Variants in LAMA5 observed in about 807,000 individuals in gnomAD.
LAMA5 encodes the protein laminin subunit alpha-5.
In LAMA5, 260 loss-of-function variants were observed where a neutral mutation model predicts 433.4. That is an observed-to-expected ratio of 0.60 (90% CI 0.54 to 0.66). LAMA5 has a LOEUF of 0.66. Among genes scored for constraint, LAMA5 ranks in the 30% least tolerant of loss-of-function variants. LAMA5 has a pLI of 0.00. For missense variants in LAMA5, 5,378 were observed against 5,258.5 expected, an observed-to-expected ratio of 1.02 and a Z score of -0.70; for synonymous variants, 2,620 against 2,226.6, an observed-to-expected ratio of 1.18 and a Z score of -4.97.
chr20:62,313,777 C>T lies in LAMA5; in HGVS notation c.8530G>A (p.Val2844Ile), dbSNP rs760179827. Reference protein sequence around the residue: ...DRTLQFGHMSVTVERQMIQET... With the variant: ...DRTLQFGHMSITVERQMIQET... The stretch of plus-strand genomic sequence containing the variant: ...TGGATCATCTGTCTCTCCACTGTGA[C>T]GGACATGTGGCCAAACTGGAGAGTC... The change falls in exon 63 of 80, where the codon GTC becomes ATC. Residue 2844 changes from valine to isoleucine, a missense_variant. By Grantham distance (29) the Val-to-Ile change is conservative (BLOSUM62 3). Coordinates refer to ENST00000252999, the MANE Select transcript of LAMA5 (RefSeq NM_005560.6). 5.6e-6 allele frequency: 9 copies of T among 1,612,678 alleles called. No homozygotes were observed. Among genetic ancestry groups the T allele is most frequent in the Admixed American group, 1.7e-5 (1 of 59,984 alleles).
rs780651999 is a variant in LAMA5 at position 62,323,905 on chromosome 20, C to A, written c.5769-49G>T. The stretch of plus-strand genomic sequence containing the variant: ...CACTAGGCCCCTGGCAGTGCCCGGG[C>A]CCGGGCGAGCACACTGTGCTCCGGC... On this transcript the variant is annotated intron_variant, in intron 43 of 79. Coordinates refer to ENST00000252999, the MANE Select transcript of LAMA5 (RefSeq NM_005560.6). The A allele has an allele frequency of 3.9e-6, 6 of 1,533,850 alleles. No homozygotes were observed. In the African/African-American group the frequency reaches 8.2e-5, roughly 21 times the overall value.
At chr20:62,322,534 C>T in intron 46 of LAMA5, 85 bp from the exon 47 acceptor site, 1 of 1,462,192 alleles carries the variant, frequency 6.8e-7, no homozygotes, top group South Asian at 1.2e-5. Flanking sequence ...GCCCATCTGG[C>T]CCCACCCCCT....
intron 1 of LAMA5, among the ~76,000 whole-genome samples, chr20:62,366,041 T>G (rs1012169441): frequency 3.3e-5 from 5 of 152,174 alleles, no homozygotes; most frequent in African/African-American, 1.2e-4. Flanking sequence ...AAGGCAGAGG[T>G]ACCAGGGAGG....
Position 62,316,059 on chromosome 20 carries a change from C to T in LAMA5, c.7757-1G>A, listed in dbSNP as rs1223607371. ...CTGGCACCCTGGAGGGCAGCCCACA[C>T]TGCGGGGGAGGCAGCTTCAGCTCCC... On this transcript the variant is annotated splice_acceptor_variant, in intron 57 of 79. Transcript: ENST00000252999. LOFTEE classifies it high-confidence loss of function. The T allele has an allele frequency of 6.2e-7, 1 of 1,603,728 alleles. No individual in the cohort carries two copies. The highest frequency in any genetic ancestry group is 1.7e-5 in the Admixed American group (1 of 59,376).
chr20:62,336,475 C>T (rs750121084), intron 17 of LAMA5, 30 bp from the exon 18 acceptor site: 22 of 1,567,068 alleles, frequency 1.4e-5, no homozygotes, highest in African/African-American at 2.7e-5. Flanking sequence ...CAGGTCAGAG[C>T]GGGCGCCCTG....
At position 62,311,694 on chromosome 20, in the gene LAMA5, C is replaced by T. The variant is rs374794377; in HGVS notation, c.9726G>A (p.Pro3242=). The T allele has an allele frequency of 6.2e-4, 982 of 1,579,796 alleles. 2 individuals carry two copies. The highest frequency in any genetic ancestry group is 6.6e-4 in the Non-Finnish European group (774 of 1,163,986). Residue 3242 remains proline (P), a synonymous_variant, in exon 71 of 80, where the codon CCG becomes CCA. Coordinates refer to ENST00000252999, the MANE Select transcript of LAMA5 (RefSeq NM_005560.6). ...CAGGCAGGCCTCCCAGGAGGAGCCT[C>T]GGGGGCCCCTCAGGCTGCGGCTGGA... is the stretch of plus-strand genomic sequence containing the variant. ...PELQPQPEGP[P]RLLLGGLPES...
intron 55 of LAMA5, 90 bp from the exon 56 acceptor site, chr20:62,317,113 C>G: frequency 2.1e-6 from 3 of 1,398,676 alleles, no homozygotes; most frequent in Non-Finnish European, 2.8e-6. Context: ...CCAGCCGTGC[C>G]CGTGCCTGCC....
intron 6 of LAMA5, among the ~76,000 whole-genome samples, chr20:62,349,033 G>A (rs1276584141): frequency 2.0e-5 from 3 of 152,068 alleles, no homozygotes; most frequent in South Asian, 2.1e-4. Context: ...ACTTTGGGAG[G>A]CCGAGGCAGG....
rs931771782 is a variant in LAMA5, at chr20:62,312,423, C to T, written c.9337G>A (p.Ala3113Thr). Residue 3113 changes from alanine (A) to threonine (T), a missense_variant, in exon 68 of 80, where the codon GCC becomes ACC. Transcript: ENST00000252999. ...LKRLNTTGVSAGCTADLLVGR... is the reference protein window; with the variant it reads ...LKRLNTTGVSTGCTADLLVGR... ...ACCAGCAGGTCGGCGGTGCAGCCGG[C>T]GCTCACGCCTGTCGTGTTCAGCCGC... 8 of 1,597,782 alleles carry T rather than the reference C, an allele frequency of 5.0e-6. 1 individual carries two copies. Among genetic ancestry groups the T allele is most frequent in the Non-Finnish European group, 2.5e-6 (3 of 1,179,346 alleles).
In LAMA5 at chr20:62,330,716, C is replaced by T. The variant is rs200870949; in HGVS notation, c.3852+27G>A. ...ACCCGGAGTCCTGCCCTGACACCCC[C>T]GTCCCTCTAGAGACTATGGCCCTCA... is the stretch of plus-strand genomic sequence containing the variant. On this transcript the variant is annotated intron_variant, in intron 30 of 79. Coordinates refer to ENST00000252999, the MANE Select transcript of LAMA5 (RefSeq NM_005560.6). 3,086 of 1,555,546 alleles carry T rather than the reference C, an allele frequency of 2.0e-3. 6 individuals are homozygous for T. Among genetic ancestry groups the T allele is most frequent in the Admixed American group, 4.7e-3 (241 of 51,420 alleles).
Position 62,318,506 on chromosome 20 carries a change from C to T in LAMA5, c.7187G>A (p.Arg2396Gln), listed in dbSNP as rs374202651. The change falls in exon 53 of 80, where the codon CGG becomes CAG. Residue 2396 changes from arginine (R) to glutamine (Q), a missense_variant. Physicochemically the swap from Arg to Gln is conservative, Grantham distance 43. Transcript: ENST00000252999. Reference sequence around the variant, plus strand: ...GCGGCTGTTGAGCTCCTGGGCCTCCCGTGTGGCGTCCACTGCCCGGTTCAA... The same window carrying T: ...GCGGCTGTTGAGCTCCTGGGCCTCCTGTGTGGCGTCCACTGCCCGGTTCAA... Reference protein sequence around the residue: ...EALNRAVDATREAQELNSRNQ... With the variant: ...EALNRAVDATQEAQELNSRNQ... 118 of 1,608,880 alleles carry T rather than the reference C, an allele frequency of 7.3e-5. 1 individual carries two copies. Among genetic ancestry groups the T allele is most frequent in the Non-Finnish European group, 6.2e-5 (73 of 1,178,910 alleles).
chr20:62,357,438 C>T (rs962569377), intron 2 of LAMA5, among the ~76,000 whole-genome samples: 1 of 152,212 alleles, frequency 6.6e-6, no homozygotes, highest in African/African-American at 2.4e-5. Flanking sequence ...CTTGCCCGCT[C>T]CTGCTGTGTG....
At position 62,352,495 on chromosome 20, in the gene LAMA5, A is replaced by G. The variant is rs482010; in HGVS notation, c.569-135T>C. On this transcript the variant is annotated intron_variant, in intron 3 of 79. Coordinates refer to ENST00000252999, the MANE Select transcript of LAMA5 (RefSeq NM_005560.6). ...GCCAAGAGGCCGCGTGACAGAGACCACAGCTCACTGGCTGAAGGGGCCTGG... is the reference window on the plus strand; with the variant it reads ...GCCAAGAGGCCGCGTGACAGAGACCGCAGCTCACTGGCTGAAGGGGCCTGG... 0.64 allele frequency: 417,046 copies of G among 656,572 alleles called. 139,516 individuals are homozygous for G. Among genetic ancestry groups the G allele is most frequent in the East Asian group, 0.78 (28,586 of 36,548 alleles). The allele number at this position is 656,572 out of a possible 1,614,324, so 40.7% of individuals were successfully genotyped here.
At chr20:62,366,899 C>T in intron 1 of LAMA5, 50 bp downstream of exon 1, 1 of 1,236,422 alleles carries the variant, frequency 8.1e-7, no homozygotes, top group Non-Finnish European at 1.0e-6. Context: ...GCCGGTGTTC[C>T]GGGTCCGAGT....
At position 62,311,066 on chromosome 20, in the gene LAMA5, G is replaced by C. The variant is rs747107306; in HGVS notation, c.10117C>G (p.Arg3373Gly). Residue 3373 changes from arginine to glycine, a missense_variant, in exon 74 of 80, where the codon CGA becomes GGA. Arg to Gly is a moderately radical substitution (Grantham distance 125). Transcript: ENST00000252999. ...WPSLSMHVLP[R>G]SSRGLLLFTA... ...AAGAGGAGGAGGCCTCGGGAGCTTCGCGGGAGGACGTGCATGGAGAGACTG... is the reference window on the plus strand; with the variant it reads ...AAGAGGAGGAGGCCTCGGGAGCTTCCCGGGAGGACGTGCATGGAGAGACTG... 5.6e-6 allele frequency: 9 copies of C among 1,594,450 alleles called. 1 individual carries two copies. The South Asian group carries it at 1.0e-4, about 18-fold the overall frequency.
At chr20:62,317,841 G>C in intron 53 of LAMA5, 63 bp from the exon 54 acceptor site, 1 of 816,702 alleles carries the variant, frequency 1.2e-6, no homozygotes, top group Non-Finnish European at 1.8e-6. Flanking sequence ...GGATGTGATG[G>C]GGTGGACAGC....
intron 26 of LAMA5, 134 bp downstream of exon 26, chr20:62,332,956 G>GC: frequency 1.0e-5 from 1 of 99,362 alleles, no homozygotes; most frequent in Non-Finnish European, 1.7e-5. Flanking sequence ...AGGCAGGGGC[G>GC]CCCTGCCTGG....
chr20:62,330,539 G>A lies in LAMA5; in HGVS notation c.3928C>T (p.His1310Tyr). ...AGGACTTCCACGGGGAAGGTGGGGT[G>A]GGCTGGCTGGTAGCCGTGCAGCAGG... ...AFLLHGYQPA[H>Y]PTFPVEVLIN... Residue 1310 changes from histidine (H) to tyrosine (Y), a missense_variant, in exon 31 of 80, where the codon CAC (histidine) becomes TAC (tyrosine). Physicochemically the swap from His to Tyr is moderately conservative, Grantham distance 83. Transcript: ENST00000252999. 1 of 1,581,998 alleles carries A rather than the reference G, an allele frequency of 6.3e-7. No individual in the cohort carries two copies. The highest frequency in any genetic ancestry group is 1.2e-5 in the South Asian group (1 of 86,182).
rs1263627597 is a variant in LAMA5, at chr20:62,351,922, G to A, written c.845C>T (p.Thr282Met). 1.2e-6 allele frequency: 2 copies of A among 1,606,330 alleles called. No individual in the cohort carries two copies. Among genetic ancestry groups the A allele is most frequent in the Non-Finnish European group, 1.7e-6 (2 of 1,177,390 alleles). ...HLMGKALRDPTVTRRYYYSIK... is the reference protein window; with the variant it reads ...HLMGKALRDPMVTRRYYYSIK... ...TGGGCAGCTCACCCGGCGGGTGACC[G>A]TGGGGTCCCGCAGCGCCTTCCCCAT... The change falls in exon 5 of 80, where the codon ACG becomes ATG. Residue 282 changes from threonine to methionine, a missense_variant. Thr to Met is a moderately conservative substitution (Grantham distance 81). Coordinates refer to ENST00000252999, the MANE Select transcript of LAMA5 (RefSeq NM_005560.6).
Sources: gnomAD v4.1 joint callset for allele counts (sites outside exome capture counted in the v4.1 genomes callset) on GRCh38, gnomAD v4.1.1 for gene constraint, MANE v1.5 for transcripts, NCBI Gene and HGNC (gene_info 2026-07-23, HGNC 2026-07-21) for gene names.